The following FYN variants were observed in gnomAD, a reference collection of about 807,000 sequenced individuals.
The protein encoded by FYN is FYN proto-oncogene, Src family tyrosine kinase, also known as tyrosine-protein kinase Fyn.
In FYN, 10 loss-of-function variants were observed where a neutral mutation model predicts 70.2. The observed-to-expected ratio is 0.14, with a 90% confidence interval of 0.09 to 0.24. The LOEUF (loss-of-function observed/expected upper bound fraction) is 0.24, where lower values mean the gene tolerates loss of function less well. Among genes scored for constraint, FYN ranks in the 10% least tolerant of loss-of-function variants. The pLI is 1.00. For missense variants in FYN, 319 were observed against 673.1 expected (o/e 0.47, Z 5.82); for synonymous variants, 236 against 248.6 (o/e 0.95, Z 0.48).
intron 3 of FYN, among the ~76,000 whole-genome samples, chr6:111,727,715 G>A (rs563219520): frequency 6.6e-6 from 1 of 152,326 alleles, no homozygotes; most frequent in Non-Finnish European, 1.5e-5. Context: ...AAGGTTCTCT[G>A]GAGGGGGAAG....
At chr6:111,866,102 A>G (rs934148830) in intron 1 of FYN, among the ~76,000 whole-genome samples, 1 of 152,238 alleles carries the variant, frequency 6.6e-6, no homozygotes, top group East Asian at 1.9e-4. Context: ...ATACACATAC[A>G]CACATACATA....
intron 2 of FYN, among the ~76,000 whole-genome samples, chr6:111,794,248 C>G (rs916131892): frequency 6.6e-6 from 1 of 152,236 alleles, no homozygotes; most frequent in Non-Finnish European, 1.5e-5. Context: ...CTATTCCTAA[C>G]TTCACCATCT....
intron 3 of FYN, among the ~76,000 whole-genome samples, chr6:111,729,120 C>T (rs937600628): frequency 6.6e-6 from 1 of 151,952 alleles, no homozygotes; most frequent in East Asian, 1.9e-4. Context: ...TGATAGAAGA[C>T]CAGAAATCAG....
chr6:111,836,142 T>C (rs1254226730), intron 2 of FYN, among the ~76,000 whole-genome samples: 1 of 152,206 alleles, frequency 6.6e-6, no homozygotes, highest in Non-Finnish European at 1.5e-5. Flanking sequence ...TGACAAGAAC[T>C]GGTCTCAGGG....
At chr6:111,705,482 G>C (rs992791199) in intron 6 of FYN, among the ~76,000 whole-genome samples, 2 of 151,604 alleles carry the variant, frequency 1.3e-5, no homozygotes, top group African/African-American at 4.9e-5. Flanking sequence ...ACCTCTCCAG[G>C]CTCAAGCAAT....
chr6:111,751,683 AC>A (rs2128487444), intron 3 of FYN, among the ~76,000 whole-genome samples: 1 of 152,116 alleles, frequency 6.6e-6, no homozygotes, highest in South Asian at 2.1e-4. Context: ...GTGCAGTGGC[AC>A]AATCACAGCT....
chr6:111,688,808 T>C (rs1053086314), intron 12 of FYN, among the ~76,000 whole-genome samples: 4 of 151,960 alleles, frequency 2.6e-5, no homozygotes, highest in African/African-American at 9.7e-5. Flanking sequence ...TATGAGAAAA[T>C]AGGCAAGCTG....
intron 13 of FYN, among the ~76,000 whole-genome samples, chr6:111,665,618 TTTTA>T (rs145122027): frequency 0.19 from 28,793 of 151,472 alleles, 3,497 homozygotes; most frequent in African/African-American, 0.34. Flanking sequence ...TCCTTTTATT[TTTTA>T]TTTATTTATT....
intron 9 of FYN, among the ~76,000 whole-genome samples, chr6:111,697,595 T>C (rs1799630024): frequency 6.6e-6 from 1 of 152,208 alleles, no homozygotes; most frequent in South Asian, 2.1e-4. Context: ...TTAAACTTCA[T>C]AAAATATCTG....
intron 2 of FYN, among the ~76,000 whole-genome samples, chr6:111,845,488 G>A (rs779615819): frequency 6.2e-4 from 95 of 152,312 alleles, no homozygotes; most frequent in Admixed American, 1.4e-3. Context: ...GCAGAAGCTA[G>A]GTGCCTGCAT....
At chr6:111,753,106 C>T (rs116595528) in intron 3 of FYN, among the ~76,000 whole-genome samples, 36 of 152,280 alleles carry the variant, frequency 2.4e-4, no homozygotes, top group African/African-American at 8.4e-4. Context: ...ACTGGTCTTG[C>T]AGAAGAAGTG....
intron 2 of FYN, among the ~76,000 whole-genome samples, chr6:111,826,222 G>A (rs1480234207): frequency 6.6e-6 from 1 of 152,048 alleles, no homozygotes; most frequent in East Asian, 1.9e-4. Context: ...TGAAATGGCA[G>A]GGTGGGAGAG....
In FYN at chr6:111,694,696, G is replaced by A. The variant is rs1271154692; in HGVS notation, c.1051C>T (p.Leu351=). The change falls in exon 11 of 14, where the codon CTG becomes TTG. Residue 351 remains leucine, a synonymous_variant. Transcript: ENST00000354650. This position sits in a 1 kb window ranked among gnomAD's most constrained non-coding sequence, Gnocchi z 5.0. ...VTEYMNKGSL[L]DFLKDGEGRA... ...CCTTCTCCATCTTTTAAGAAATCCA[G>A]TAAACTTCCTATGAACAAAACATAA... 3 of 1,612,434 alleles carry A rather than the reference G, an allele frequency of 1.9e-6. No homozygotes were observed. The South Asian group carries it at 3.3e-5, about 18-fold the overall frequency.
At chr6:111,847,228 T>G (rs1773557938) in intron 1 of FYN, among the ~76,000 whole-genome samples, 1 of 152,196 alleles carries the variant, frequency 6.6e-6, no homozygotes, top group African/African-American at 2.4e-5. Flanking sequence ...GCCCCGGGAC[T>G]ACCTTAGAAC....
chr6:111,839,229 G>C (rs1235403877), intron 2 of FYN, among the ~76,000 whole-genome samples: 1 of 151,988 alleles, frequency 6.6e-6, no homozygotes, highest in Admixed American at 6.6e-5. Context: ...TGTTTACTCT[G>C]CTGCTGGTAC....
At chr6:111,835,497 G>A (rs2004790) in intron 2 of FYN, among the ~76,000 whole-genome samples, 6,300 of 152,274 alleles carry the variant, frequency 0.041, 238 homozygotes, top group African/African-American at 0.11. Context: ...TTGGCCAGTC[G>A]CCATGAGAAC....
intron 3 of FYN, among the ~76,000 whole-genome samples, chr6:111,778,587 T>TA (rs1438279771): frequency 6.6e-6 from 1 of 151,906 alleles, no homozygotes; most frequent in Non-Finnish European, 1.5e-5. Flanking sequence ...GTTTTTTTTT[T>TA]AGATGGCGTC....
At chr6:111,740,067 C>G (rs1042744163) in intron 3 of FYN, among the ~76,000 whole-genome samples, 2 of 117,832 alleles carry the variant, frequency 1.7e-5, no homozygotes, top group Non-Finnish European at 3.6e-5. Context: ...TGTGATCCAC[C>G]CACTCGGTCT....
intron 2 of FYN, among the ~76,000 whole-genome samples, chr6:111,786,285 C>T (rs1299475468): frequency 6.6e-6 from 1 of 151,990 alleles, no homozygotes; most frequent in Non-Finnish European, 1.5e-5. Context: ...GTTCAATTCC[C>T]ACCTATGAGT....
Sources: allele counts gnomAD v4.1 joint callset (sites outside exome capture counted in the v4.1 genomes callset), GRCh38; gene constraint gnomAD v4.1.1; non-coding constraint Gnocchi (gnomAD v3.1); transcripts MANE v1.5; gene names NCBI Gene and HGNC (gene_info 2026-07-23, HGNC 2026-07-21).